Variants in PNPT1 observed in about 807,000 individuals in gnomAD.
PNPT1 encodes polyribonucleotide nucleotidyltransferase 1.
PNPT1 carries 53 observed loss-of-function variants against 119.5 expected under a neutral mutation model. That is an observed-to-expected ratio of 0.44 (90% CI 0.36 to 0.56). PNPT1 has a LOEUF of 0.56. PNPT1 is among the 20% of genes least tolerant of loss of function. PNPT1 has a pLI of 0.00. For missense variants in PNPT1, 948 were observed against 938.5 expected, an observed-to-expected ratio of 1.01 and a Z score of -0.13; for synonymous variants, 357 against 322.1, an observed-to-expected ratio of 1.11 and a Z score of -1.16.
chr2:55,677,411 T>G (rs1697106776), intron 8 of PNPT1, among the ~76,000 whole-genome samples: 1 of 151,924 alleles, frequency 6.6e-6, no homozygotes, highest in African/African-American at 2.4e-5. Context: ...CTAGCCAACA[T>G]GGCAAAACCC....
intron 5 of PNPT1, among the ~76,000 whole-genome samples, chr2:55,683,540 G>A (rs537857417): frequency 3.1e-4 from 47 of 150,492 alleles, no homozygotes; most frequent in South Asian, 1.3e-3. Context: ...TTGAACCTGG[G>A]AGATTGAGGT....
chr2:55,642,757 T>A (rs1257652342), intron 25 of PNPT1, among the ~76,000 whole-genome samples: 1 of 152,056 alleles, frequency 6.6e-6, no homozygotes, highest in East Asian at 1.9e-4. Context: ...TGGCATGTAA[T>A]CTAAACACCT....
At chr2:55,643,979 C>CA (rs1695914160) in intron 23 of PNPT1, among the ~76,000 whole-genome samples, 3 of 152,136 alleles carry the variant, frequency 2.0e-5, no homozygotes, top group Non-Finnish European at 2.9e-5. Context: ...TTGAAATTCA[C>CA]CATCTAGTGA....
chr2:55,673,518 G>A (rs555238379), intron 8 of PNPT1, among the ~76,000 whole-genome samples: 14 of 150,316 alleles, frequency 9.3e-5, no homozygotes, highest in Admixed American at 8.0e-4. Flanking sequence ...GCGCAATCTC[G>A]GCTCACTGCC....
chr2:55,674,696 CA>C (rs1697011282), intron 8 of PNPT1, among the ~76,000 whole-genome samples: 1 of 152,144 alleles, frequency 6.6e-6, no homozygotes, highest in African/African-American at 2.4e-5. Flanking sequence ...GAAGCAAAAG[CA>C]AAAATTGTAA....
intron 1 of PNPT1, among the ~76,000 whole-genome samples, chr2:55,688,602 A>C (rs950060241): frequency 1.3e-5 from 2 of 151,982 alleles, no homozygotes; most frequent in Non-Finnish European, 2.9e-5. Flanking sequence ...TTGCGTGTCT[A>C]TAATCCCAGC....
chr2:55,669,697 G>A (rs1056395671), intron 11 of PNPT1, among the ~76,000 whole-genome samples: 3 of 151,386 alleles, frequency 2.0e-5, no homozygotes, highest in Non-Finnish European at 2.9e-5. Context: ...GAAATGTAGT[G>A]AGAAAGGACT....
At position 55,649,550 on chromosome 2, in the gene PNPT1, T is replaced by C. The variant is rs150322777; in HGVS notation, c.1496-2097A>G. Among the ~76,000 whole-genome samples the C allele has an allele frequency of 5.1e-3, 784 of 152,366 alleles. 15 individuals are homozygous for C. In the East Asian group the frequency reaches 0.06, roughly 12 times the overall value. ...TCTTGCCCTGGCAACAATCTCCCTG[T>C]CTGGCTTCCCAGATTTTACTTTCTC... On this transcript the variant is annotated intron_variant, in intron 18 of 27. Coordinates refer to ENST00000447944, the MANE Select transcript of PNPT1 (RefSeq NM_033109.5).
chr2:55,673,052 A>G lies in PNPT1; in HGVS notation c.707T>C (p.Ile236Thr), dbSNP rs1696963562. 6.2e-7 allele frequency: 1 copy of G among 1,610,808 alleles called. No homozygotes were observed. The change falls in exon 9 of 28, where the codon ATT (isoleucine) becomes ACT (threonine). Residue 236 changes from isoleucine to threonine, a missense_variant. Coordinates refer to ENST00000447944, the MANE Select transcript of PNPT1 (RefSeq NM_033109.5). ...IVMLEASAEN[I>T]LQQDFCHAIK... ...AGCATGGCAAAAGTCCTGCTGTAAA[A>G]TGTTCTCTGCAGAGGCTTCCAACAT...
At chr2:55,664,482 T>A (rs1422869818) in intron 13 of PNPT1, among the ~76,000 whole-genome samples, 1 of 152,170 alleles carries the variant, frequency 6.6e-6, no homozygotes. Context: ...TGAGAAGTTA[T>A]GGATGTATAC....
At position 55,679,764 on chromosome 2, in the gene PNPT1, T is replaced by C; in HGVS notation, c.597A>G (p.Glu199=). 6.2e-7 allele frequency: 1 copy of C among 1,610,742 alleles called. No homozygotes were observed. Among genetic ancestry groups the C allele is most frequent in the Non-Finnish European group, 8.5e-7 (1 of 1,178,032 alleles). The change falls in exon 8 of 28, where the codon GAA becomes GAG. Residue 199 remains glutamate (E), a synonymous_variant. Transcript: ENST00000447944. Reference sequence around the variant, plus strand: ...CTTTTCTTGTTGGGTTAACAACATATTCTCCATCAATTATTCCTATTCGTA... The same window carrying C: ...CTTTTCTTGTTGGGTTAACAACATACTCTCCATCAATTATTCCTATTCGTA... ...GAVRIGIIDG[E]YVVNPTRKEM... is the part of the protein sequence containing the mutation.
chr2:55,656,020 A>C (rs1696373196), intron 17 of PNPT1, 111 bp downstream of exon 17: 1 of 1,341,072 alleles, frequency 7.5e-7, no homozygotes, highest in East Asian at 2.5e-5. Flanking sequence ...CTCTTGCAAC[A>C]AACTTGGGTT....
intron 7 of PNPT1, 67 bp downstream of exon 7, chr2:55,680,645 A>G: frequency 7.1e-7 from 1 of 1,409,606 alleles, no homozygotes; most frequent in Non-Finnish European, 9.9e-7. Flanking sequence ...TTGCTGTAAC[A>G]TGGTCACTAC....
At chr2:55,690,255 T>C (rs1697547998) in intron 1 of PNPT1, among the ~76,000 whole-genome samples, 1 of 152,244 alleles carries the variant, frequency 6.6e-6, no homozygotes, top group African/African-American at 2.4e-5. Flanking sequence ...AGGTTACTGA[T>C]GTCTTGAAAC....
chr2:55,643,726 A>G (rs943705125), intron 23 of PNPT1, among the ~76,000 whole-genome samples: 1 of 107,748 alleles, frequency 9.3e-6, no homozygotes, highest in East Asian at 2.2e-4. Context: ...GTGACAGAGC[A>G]AGGCCCCATC....
intron 15 of PNPT1, among the ~76,000 whole-genome samples, chr2:55,659,930 C>G (rs1696510346): frequency 6.6e-6 from 1 of 152,034 alleles, no homozygotes; most frequent in Admixed American, 6.6e-5. Flanking sequence ...TGGCAAAACC[C>G]CATCTCTAGA....
chr2:55,641,251 C>T (rs1695825956), intron 25 of PNPT1, among the ~76,000 whole-genome samples: 1 of 148,792 alleles, frequency 6.7e-6, no homozygotes, highest in African/African-American at 2.5e-5. Context: ...AATATATGTT[C>T]TTCTGTATTT....
chr2:55,637,816 GA>G (rs980240330), intron 26 of PNPT1, among the ~76,000 whole-genome samples: 11 of 152,064 alleles, frequency 7.2e-5, no homozygotes, highest in African/African-American at 2.4e-4. Flanking sequence ...GAGGTCAGGA[GA>G]GTGAAACCCC....
At chr2:55,651,582 T>G (rs902071570) in intron 18 of PNPT1, among the ~76,000 whole-genome samples, 3 of 151,812 alleles carry the variant, frequency 2.0e-5, no homozygotes, top group African/African-American at 7.3e-5. Context: ...GGCAGCATGC[T>G]CCTTAAGAGT....
Sources: allele counts gnomAD v4.1 joint callset (sites outside exome capture counted in the v4.1 genomes callset), GRCh38; gene constraint gnomAD v4.1.1; transcripts MANE v1.5; gene names NCBI Gene and HGNC (gene_info 2026-07-23, HGNC 2026-07-21).